SLAMF6: variants seen among roughly 807,000 people sequenced by gnomAD.
The protein encoded by SLAMF6 is NK-T-B-antigen.
Under a neutral mutation model 38.3 loss-of-function variants are expected in SLAMF6, and 21 were observed. The observed-to-expected ratio is 0.55, with a 90% confidence interval of 0.39 to 0.79. The LOEUF (loss-of-function observed/expected upper bound fraction) is 0.79. Among genes scored for constraint, SLAMF6 ranks in the 30% least tolerant of loss-of-function variants. The pLI, the probability that SLAMF6 is intolerant of heterozygous loss-of-function variation, is 0.00. For missense variants in SLAMF6, 341 were observed against 385.3 expected (o/e 0.89, Z 0.96); for synonymous variants, 152 against 146.3 (o/e 1.04, Z -0.28).
intron 1 of SLAMF6, among the ~76,000 whole-genome samples, chr1:160,496,700 C>A (rs1300502376): frequency 5.3e-5 from 8 of 152,156 alleles, no homozygotes; most frequent in African/African-American, 1.9e-4. Flanking sequence ...GTGATCCTAG[C>A]CTCTGAAGTC....
chr1:160,516,841 C>T (rs758405401), intron 1 of SLAMF6, among the ~76,000 whole-genome samples: 3 of 152,206 alleles, frequency 2.0e-5, no homozygotes, highest in African/African-American at 7.2e-5. Context: ...CTCCCTCACA[C>T]CTTATACAAA....
At position 160,491,184 on chromosome 1, in the gene SLAMF6, A is replaced by G. The variant is rs963482452; in HGVS notation, c.587T>C (p.Ile196Thr). The change falls in exon 3 of 8, where the codon ATA becomes ACA. Residue 196 changes from isoleucine to threonine, a missense_variant. Physicochemically the swap from Ile to Thr is moderately conservative, Grantham distance 89. Transcript: ENST00000368057. ...TAAATTACTGACAGCATTCTCTGCT[A>G]TGCAGGTGTAGTCCTGTTCACTGGA... ...RISSEQDYTC[I>T]AENAVSNLSF... 1.9e-6 allele frequency: 3 copies of G among 1,614,112 alleles called. No homozygotes were observed. Among genetic ancestry groups the G allele is most frequent in the Non-Finnish European group, 1.7e-6 (2 of 1,179,984 alleles).
chr1:160,517,427 T>C (rs985791604), intron 1 of SLAMF6, among the ~76,000 whole-genome samples: 5 of 152,208 alleles, frequency 3.3e-5, no homozygotes, highest in Non-Finnish European at 5.9e-5. Context: ...AGTTCAACCA[T>C]TGTGGAAGAC....
Position 160,486,696 on chromosome 1 carries a change from C to G in SLAMF6, c.*11G>C. On this transcript the variant is annotated 3_prime_UTR_variant, in exon 8 of 8. Transcript: ENST00000368057. ...TGTCATTCCCGAATTCCTCTGAGGCCTTTCAGCAACTTACACGACATTGTC... is the reference window on the plus strand; with the variant it reads ...TGTCATTCCCGAATTCCTCTGAGGCGTTTCAGCAACTTACACGACATTGTC... 1 of 1,613,554 alleles carries G rather than the reference C, an allele frequency of 6.2e-7. No homozygotes were observed. Among genetic ancestry groups the G allele is most frequent in the Non-Finnish European group, 8.5e-7 (1 of 1,179,588 alleles).
At chr1:160,493,912 C>G (rs1417079129) in intron 2 of SLAMF6, among the ~76,000 whole-genome samples, 4 of 152,088 alleles carry the variant, frequency 2.6e-5, no homozygotes, top group Admixed American at 6.6e-5. Context: ...TTCATGAGAG[C>G]TCACTATCAT....
At chr1:160,495,119 AC>A (rs1653504947) in intron 2 of SLAMF6, among the ~76,000 whole-genome samples, 1 of 152,152 alleles carries the variant, frequency 6.6e-6, no homozygotes, top group Non-Finnish European at 1.5e-5. Context: ...GTCTGTGGAG[AC>A]CTTTTATTTT....
intron 1 of SLAMF6, among the ~76,000 whole-genome samples, chr1:160,496,669 C>A (rs1488329069): frequency 6.6e-6 from 1 of 152,170 alleles, no homozygotes; most frequent in Non-Finnish European, 1.5e-5. Flanking sequence ...GCTGGTCACT[C>A]CTAGGTCATA....
intron 1 of SLAMF6, among the ~76,000 whole-genome samples, chr1:160,511,998 C>T (rs1654496885): frequency 6.6e-6 from 1 of 152,200 alleles, no homozygotes; most frequent in African/African-American, 2.4e-5. Flanking sequence ...TCTGTGCAAC[C>T]CATGGACCAG....
chr1:160,486,977 G>T (rs1232020911), intron 7 of SLAMF6, 127 bp downstream of exon 7: 22 of 980,092 alleles, frequency 2.2e-5, no homozygotes, highest in Non-Finnish European at 3.1e-5. Context: ...GATGTCCTGA[G>T]ACTTTCCGCA....
At chr1:160,498,197 A>G (rs1449138821) in intron 1 of SLAMF6, among the ~76,000 whole-genome samples, 36 of 152,040 alleles carry the variant, frequency 2.4e-4, no homozygotes, top group African/African-American at 8.7e-4. Context: ...TGAAAGAATG[A>G]AGGGTCCAGT....
intron 1 of SLAMF6, among the ~76,000 whole-genome samples, chr1:160,505,277 T>C (rs548996039): frequency 2.6e-5 from 4 of 152,314 alleles, no homozygotes; most frequent in African/African-American, 9.6e-5. Context: ...ATTAAAAATA[T>C]CTAGTTTCAA....
chr1:160,485,184 G>A lies in SLAMF6; in HGVS notation c.*1523C>T, dbSNP rs1412253745. On this transcript the variant is annotated 3_prime_UTR_variant, in exon 8 of 8. Coordinates refer to ENST00000368057, the MANE Select transcript of SLAMF6 (RefSeq NM_001184714.2). ...TCCTGCCTCAGTCTCTCAAGTAGCT[G>A]GGATTTTAGGGGTGCACCACCACGC... 1 of 152,048 alleles carries A rather than the reference G, an allele frequency of 6.6e-6. No homozygotes were observed. Among genetic ancestry groups the A allele is most frequent in the African/African-American group, 2.4e-5 (1 of 41,380 alleles). The allele number at this position is 152,048 out of a possible 1,614,324, so 9.4% of individuals were successfully genotyped here. A position where few individuals can be genotyped will look rare whatever the true frequency, so the allele number is the denominator to read the frequency against.
intron 2 of SLAMF6, among the ~76,000 whole-genome samples, chr1:160,494,774 C>T (rs1653485356): frequency 6.6e-6 from 1 of 152,088 alleles, no homozygotes; most frequent in African/African-American, 2.4e-5. Context: ...AGGCAAAGAG[C>T]AGATTGCCCG....
chr1:160,498,089 A>G (rs181704620), intron 1 of SLAMF6, among the ~76,000 whole-genome samples: 166 of 152,166 alleles, frequency 1.1e-3, no homozygotes, highest in Middle Eastern at 6.8e-3. Context: ...ATATTTCCCA[A>G]TAACAGTGTA....
chr1:160,513,461 T>A (rs1294549965), intron 1 of SLAMF6, among the ~76,000 whole-genome samples: 1 of 152,156 alleles, frequency 6.6e-6, no homozygotes, highest in African/African-American at 2.4e-5. Context: ...TCCAGGAGAC[T>A]TCCCCAACCT....
intron 1 of SLAMF6, among the ~76,000 whole-genome samples, chr1:160,503,225 C>A (rs1654001607): frequency 6.6e-6 from 1 of 152,038 alleles, no homozygotes; most frequent in African/African-American, 2.4e-5. Context: ...CTCATAGAAT[C>A]TAGAGGAAGA....
intron 1 of SLAMF6, among the ~76,000 whole-genome samples, chr1:160,518,819 G>C (rs1306252989): frequency 6.6e-6 from 1 of 151,930 alleles, no homozygotes; most frequent in Non-Finnish European, 1.5e-5. Context: ...ATGTATGCAG[G>C]GCTTAATACT....
intron 1 of SLAMF6, among the ~76,000 whole-genome samples, chr1:160,522,199 G>C (rs1282196405): frequency 6.6e-6 from 1 of 152,084 alleles, no homozygotes; most frequent in Admixed American, 6.6e-5. Flanking sequence ...TCGCATGCTG[G>C]CTAATGAAAT....
intron 3 of SLAMF6, 41 bp from the exon 4 acceptor site, chr1:160,490,726 G>A: frequency 6.2e-7 from 1 of 1,604,520 alleles, no homozygotes; most frequent in Non-Finnish European, 8.5e-7. Flanking sequence ...GACACATCAA[G>A]TGAGGCCCAC....
Sources: allele counts gnomAD v4.1 joint callset (sites outside exome capture counted in the v4.1 genomes callset), GRCh38; gene constraint gnomAD v4.1.1; transcripts MANE v1.5; gene names NCBI Gene and HGNC (gene_info 2026-07-23, HGNC 2026-07-21).